MTUS2: variants seen among roughly 807,000 people sequenced by gnomAD.
MTUS2 encodes microtubule associated scaffold protein 2, also known as microtubule-associated tumor suppressor candidate 2.
A neutral mutation model predicts 114.1 loss-of-function variants in MTUS2; 40 were observed. That is an observed-to-expected ratio of 0.35 (90% CI 0.27 to 0.46). The LOEUF (loss-of-function observed/expected upper bound fraction) is 0.46. Ranked by LOEUF, MTUS2 falls within the 20% of genes least tolerant of loss-of-function variation. The pLI, the probability that MTUS2 is intolerant of heterozygous loss-of-function variation, is 1.00. For synonymous variants in MTUS2, 688 were observed against 672.0 expected (o/e 1.02, Z -0.37); for missense variants, 1,679 against 1,705.4 (o/e 0.98, Z 0.27).
chr13:29,120,955 ATGTT>A (rs1396000559), intron 5 of MTUS2, among the ~76,000 whole-genome samples: 1 of 152,258 alleles, frequency 6.6e-6, no homozygotes, highest in African/African-American at 2.4e-5. Flanking sequence ...AAGTCATGTC[ATGTT>A]TTAAAATTGA....
chr13:29,315,503 A>T (rs369793551), intron 6 of MTUS2, among the ~76,000 whole-genome samples: 1 of 152,202 alleles, frequency 6.6e-6, no homozygotes, highest in East Asian at 1.9e-4. Flanking sequence ...GCAAAGAATG[A>T]AAAGGAAAAA....
chr13:29,195,776 A>C (rs1289807258), intron 5 of MTUS2, among the ~76,000 whole-genome samples: 1 of 152,196 alleles, frequency 6.6e-6, no homozygotes, highest in Non-Finnish European at 1.5e-5. Context: ...TCTCAGCAGT[A>C]ACACAGAAGC....
intron 2 of MTUS2, among the ~76,000 whole-genome samples, chr13:28,842,022 C>T (rs1379164673): frequency 2.0e-5 from 3 of 152,132 alleles, no homozygotes; most frequent in African/African-American, 7.2e-5. Context: ...ACCCCCTTCT[C>T]CCCCATTCCC....
intron 4 of MTUS2, among the ~76,000 whole-genome samples, chr13:29,046,095 A>G (rs1215051401): frequency 6.7e-6 from 1 of 148,462 alleles, no homozygotes; most frequent in East Asian, 2.0e-4. Flanking sequence ...AAAGGCCACT[A>G]CTGATTTCTT....
At chr13:29,213,685 T>G (rs992243173) in intron 5 of MTUS2, among the ~76,000 whole-genome samples, 3 of 152,190 alleles carry the variant, frequency 2.0e-5, no homozygotes, top group Non-Finnish European at 2.9e-5. Context: ...GGAATAATCT[T>G]TTCATACTAA....
chr13:29,221,273 GTA>G (rs1478428420), intron 5 of MTUS2, among the ~76,000 whole-genome samples: 2 of 152,242 alleles, frequency 1.3e-5, no homozygotes, highest in Non-Finnish European at 2.9e-5. Flanking sequence ...CATAGGGTTA[GTA>G]TATTGTTCTT....
chr13:28,886,424 G>A (rs577504557), intron 2 of MTUS2, among the ~76,000 whole-genome samples: 8 of 152,264 alleles, frequency 5.3e-5, no homozygotes, highest in African/African-American at 1.2e-4. Flanking sequence ...GGTCGAAATC[G>A]GATTTTACTT....
At chr13:29,204,772 C>G (rs1420059813) in intron 5 of MTUS2, among the ~76,000 whole-genome samples, 1 of 152,166 alleles carries the variant, frequency 6.6e-6, no homozygotes, top group Non-Finnish European at 1.5e-5. Context: ...AAGTCTGCAG[C>G]CGGGACCACG....
intron 6 of MTUS2, chr13:29,307,315 G>A (rs1899516811): frequency 1.5e-6 from 1 of 677,916 alleles, no homozygotes; most frequent in Non-Finnish European, 2.7e-6. Context: ...CACAGTCCAT[G>A]CTGTCCCTGC....
intron 5 of MTUS2, among the ~76,000 whole-genome samples, chr13:29,135,809 C>G (rs975267728): frequency 6.6e-6 from 1 of 152,108 alleles, no homozygotes; most frequent in Non-Finnish European, 1.5e-5. Flanking sequence ...AATCTCTGCT[C>G]CTTTAACAGC....
chr13:29,021,203 G>C (rs901412671), intron 2 of MTUS2, among the ~76,000 whole-genome samples: 2 of 152,230 alleles, frequency 1.3e-5, no homozygotes, highest in East Asian at 1.9e-4. Flanking sequence ...GGAGCTCATG[G>C]TTGTGGTGAG....
intron 7 of MTUS2, among the ~76,000 whole-genome samples, chr13:29,325,466 A>AAAG (rs1555265212): frequency 1.6e-5 from 2 of 126,404 alleles, no homozygotes; most frequent in Non-Finnish European, 1.6e-5. Flanking sequence ...AAAAAAAAAA[A>AAAG]AAAAGAAAAG....
At chr13:29,301,159 C>T (rs1899187949) in intron 6 of MTUS2, among the ~76,000 whole-genome samples, 2 of 152,078 alleles carry the variant, frequency 1.3e-5, no homozygotes, top group South Asian at 4.1e-4. Context: ...CTCCAGCTTG[C>T]CCCCCACCCC....
At chr13:29,398,471 A>G (rs1457999398) in intron 8 of MTUS2, among the ~76,000 whole-genome samples, 2 of 138,122 alleles carry the variant, frequency 1.4e-5, no homozygotes, top group East Asian at 2.0e-4. Flanking sequence ...CAAAATTAAA[A>G]AAAAAAAAAG....
rs148263825 is a variant in MTUS2 at position 29,176,293 on chromosome 13, T to C, written c.2644+75323T>C. On this transcript the variant is annotated intron_variant, in intron 5 of 15. Transcript: ENST00000612955. The stretch of plus-strand genomic sequence containing the variant: ...GAGAGAGAATTATGTAGCATCATGG[T>C]GGAGGGCAGGAGGACCTGGTTCATG... Among the ~76,000 whole-genome samples the C allele has an allele frequency of 1.6e-3, 243 of 152,310 alleles. 1 individual carries two copies. Among genetic ancestry groups the C allele is most frequent in the African/African-American group, 5.7e-3 (237 of 41,574 alleles).
chr13:28,993,057 G>T (rs76750239), intron 2 of MTUS2, among the ~76,000 whole-genome samples: 2,685 of 152,240 alleles, frequency 0.018, 81 homozygotes, highest in African/African-American at 0.061. Context: ...GTTGCAGGAT[G>T]TGTCAGAATT....
chr13:29,142,606 T>C (rs1236907125), intron 5 of MTUS2, among the ~76,000 whole-genome samples: 1 of 152,170 alleles, frequency 6.6e-6, no homozygotes, highest in Non-Finnish European at 1.5e-5. Flanking sequence ...CTCAGGAGGC[T>C]GAGGCAGGAG....
chr13:29,260,544 C>T (rs748369844), intron 5 of MTUS2, among the ~76,000 whole-genome samples: 1 of 152,206 alleles, frequency 6.6e-6, no homozygotes, highest in African/African-American at 2.4e-5. Flanking sequence ...AATTTACAGC[C>T]TCTGGCATAA....
chr13:29,006,967 A>G (rs1296763537), intron 2 of MTUS2, among the ~76,000 whole-genome samples: 2 of 152,164 alleles, frequency 1.3e-5, no homozygotes, highest in Non-Finnish European at 2.9e-5. Context: ...CTGAACACAC[A>G]AGAAATATGT....
Sources: gnomAD v4.1 joint callset for allele counts (sites outside exome capture counted in the v4.1 genomes callset) on GRCh38, gnomAD v4.1.1 for gene constraint, MANE v1.5 for transcripts, NCBI Gene and HGNC (gene_info 2026-07-23, HGNC 2026-07-21) for gene names.